TP73: variants seen among roughly 807,000 people sequenced by gnomAD.
TP73 encodes the protein tumor protein p73, also known as p53-like transcription factor.
TP73 carries 25 observed loss-of-function variants against 62.5 expected under a neutral mutation model. That is an observed-to-expected ratio of 0.40 (90% CI 0.29 to 0.56). The LOEUF (loss-of-function observed/expected upper bound fraction) is 0.56. Among genes scored for constraint, TP73 ranks in the 20% least tolerant of loss-of-function variants. The pLI, the probability that TP73 is intolerant of heterozygous loss-of-function variation, is 0.46. For synonymous variants in TP73, 423 were observed against 377.5 expected, an observed-to-expected ratio of 1.12 and a Z score of -1.40; for missense variants, 754 against 913.3, an observed-to-expected ratio of 0.83 and a Z score of 2.25.
intron 8 of TP73, 80 bp downstream of exon 8, chr1:3,727,850 C>G: frequency 6.9e-7 from 1 of 1,453,022 alleles, no homozygotes; most frequent in Non-Finnish European, 9.1e-7. Context: ...GAGCCCGCGT[C>G]CCAGGGACAG....
chr1:3,731,050 A>G lies in TP73; in HGVS notation c.1469A>G (p.Asp490Gly). 1 of 1,610,928 alleles carries G rather than the reference A, an allele frequency of 6.2e-7. No individual in the cohort carries two copies. Among genetic ancestry groups the G allele is most frequent in the Non-Finnish European group, 8.5e-7 (1 of 1,179,092 alleles). ...HCTPPPPYHA[D>G]PSLVSFLTGL... ...ACTCCGCCACCCCCCTACCACGCCGACCCCAGCCTCGTCAGGTGCGTGGGC... is the reference window on the plus strand; with the variant it reads ...ACTCCGCCACCCCCCTACCACGCCGGCCCCAGCCTCGTCAGGTGCGTGGGC... Residue 490 changes from aspartate (D) to glycine (G), a missense_variant, in exon 12 of 14, where the codon GAC becomes GGC. Asp to Gly is a moderately conservative substitution (Grantham distance 94, BLOSUM62 -1). Around this residue, in one of 3 missense-constraint regions of TP73, gnomAD observed 458 missense variants for 528.7 expected, o/e 0.87. Transcript: ENST00000378295.
chr1:3,735,909 C>T lies in TP73; in HGVS notation c.*2830C>T, dbSNP rs772328379. The T allele has an allele frequency of 9.2e-5, 14 of 152,186 alleles. No homozygotes were observed. The highest frequency in any genetic ancestry group is 1.9e-4 in the Non-Finnish European group (13 of 68,028). 9.4% of individuals were successfully genotyped at this position (152,186 alleles called of 1,614,324 possible). ...CCTTGCTGTACCCAGGAGCCCGACCCGCAGTATCCTGGCACAGAGCCACTT... is the reference window on the plus strand; with the variant it reads ...CCTTGCTGTACCCAGGAGCCCGACCTGCAGTATCCTGGCACAGAGCCACTT... On this transcript the variant is annotated 3_prime_UTR_variant, in exon 14 of 14. Coordinates refer to ENST00000378295, the MANE Select transcript of TP73 (RefSeq NM_005427.4).
rs923303944 is a variant in TP73, at chr1:3,690,797, C to G, written c.186+7617C>G. ...TGCGGAGCCTCTCCCGCTCGGTCCACGCTGCCGGGCGGCCACGACCGTGAC... is the reference window on the plus strand; with the variant it reads ...TGCGGAGCCTCTCCCGCTCGGTCCAGGCTGCCGGGCGGCCACGACCGTGAC... On this transcript the variant is annotated intron_variant, in intron 3 of 13. Coordinates refer to ENST00000378295, the MANE Select transcript of TP73 (RefSeq NM_005427.4). 4 of 1,528,478 alleles carry G rather than the reference C, an allele frequency of 2.6e-6. No individual in the cohort carries two copies. In the Admixed American group the frequency reaches 8.0e-5, roughly 30 times the overall value. 94.7% of individuals were successfully genotyped at this position (1,528,478 alleles called of 1,614,324 possible).
chr1:3,715,858 C>G (rs1570578624), intron 4 of TP73, among the ~76,000 whole-genome samples: 1 of 152,204 alleles, frequency 6.6e-6, no homozygotes, highest in African/African-American at 2.4e-5. Flanking sequence ...CTGCTTCCCT[C>G]CCCTACCCCG....
chr1:3,686,337 G>A (rs1279261483), intron 3 of TP73, among the ~76,000 whole-genome samples: 1 of 152,228 alleles, frequency 6.6e-6, no homozygotes, highest in African/African-American at 2.4e-5. Flanking sequence ...CTGCTTAGCA[G>A]CCGTGGGAGA....
rs1645007735 is a variant in TP73 at position 3,662,116 on chromosome 1, T to C, written c.-34+9475T>C. 6.6e-6 allele frequency: 1 copy of C among 151,448 alleles called. No homozygotes were observed. The highest frequency in any genetic ancestry group is 1.5e-5 in the Non-Finnish European group (1 of 67,952). The allele number at this position is 151,448 out of a possible 1,614,324, so 9.4% of individuals were successfully genotyped here. On this transcript the variant is annotated intron_variant, in intron 1 of 13. Transcript: ENST00000378295. This position sits in a 1 kb window ranked among gnomAD's most constrained non-coding sequence, Gnocchi z 4.4. Reference sequence around the variant, plus strand: ...TCCTCCTGCTGCCCCAAATTGCCACTCTCCTGGAGCAGCCCCTGAAGGTGG... The same window carrying C: ...TCCTCCTGCTGCCCCAAATTGCCACCCTCCTGGAGCAGCCCCTGAAGGTGG...
chr1:3,715,976 C>T (rs769851281), intron 4 of TP73, among the ~76,000 whole-genome samples: 7 of 152,320 alleles, frequency 4.6e-5, no homozygotes, highest in African/African-American at 9.6e-5. Context: ...CAGGGAGCCG[C>T]GCTTCCAGGC....
Position 3,698,215 on chromosome 1 carries a change from A to T in TP73, c.187-9334A>T, listed in dbSNP as rs1044133700. 4 of 804,764 alleles carry T rather than the reference A, an allele frequency of 5.0e-6. No individual in the cohort carries two copies. The African/African-American group carries it at 7.5e-5, about 15-fold the overall frequency. 49.9% of individuals were successfully genotyped at this position (804,764 alleles called of 1,614,324 possible). A position where few individuals can be genotyped will look rare whatever the true frequency, so the allele number is the denominator to read the frequency against. ...GCAAGGACACAGGATGTCAGGGCTG[A>T]CACCTGGGTTGGGCTCTGGGGTGCT... is the stretch of plus-strand genomic sequence containing the variant. On this transcript the variant is annotated intron_variant, in intron 3 of 13. Transcript: ENST00000378295.
chr1:3,673,689 C>T (rs74796852), intron 1 of TP73, among the ~76,000 whole-genome samples: 4,801 of 152,272 alleles, frequency 0.032, 129 homozygotes, highest in East Asian at 0.11. Context: ...GGGCAGGAAT[C>T]ATGTGTCTTG....
Position 3,669,510 on chromosome 1 carries a change from C to T in TP73, c.-33-12823C>T, listed in dbSNP as rs371017967. ...CTCTTTCCACTTCCTGCCAAGGAGGCGCAGAGTGACTGCCCCAGCCTGGCA... is the reference window on the plus strand; with the variant it reads ...CTCTTTCCACTTCCTGCCAAGGAGGTGCAGAGTGACTGCCCCAGCCTGGCA... On this transcript the variant is annotated intron_variant, in intron 1 of 13. Transcript: ENST00000378295. Among the ~76,000 whole-genome samples, 248 of 152,380 alleles carry T rather than the reference C, an allele frequency of 1.6e-3. 1 individual carries two copies. Among genetic ancestry groups the T allele is most frequent in the African/African-American group, 5.1e-3 (214 of 41,590 alleles).
chr1:3,696,266 T>C lies in TP73; in HGVS notation c.187-11283T>C, dbSNP rs1638647237. ...GCAGGGGAGGATTCCAGAAAGATGC[T>C]GAGGTTCCATTTGCACCCTTGCAGG... On this transcript the variant is annotated intron_variant, in intron 3 of 13. Transcript: ENST00000378295. The surrounding 1 kb of genome is among the most constrained non-coding windows in gnomAD (Gnocchi z 4.1). Among the ~76,000 whole-genome samples, 1 of 152,000 alleles carries C rather than the reference T, an allele frequency of 6.6e-6. No individual in the cohort carries two copies. The highest frequency in any genetic ancestry group is 1.5e-5 in the Non-Finnish European group (1 of 67,980).
At position 3,722,110 on chromosome 1, in the gene TP73, C is replaced by T. The variant is rs1801174; in HGVS notation, c.519C>T (p.Thr173=). The T allele has an allele frequency of 0.86, 1,386,232 of 1,612,596 alleles. 602,217 individuals are homozygous for T. The highest frequency in any genetic ancestry group is 0.92 in the Middle Eastern group (5,590 of 6,056). The part of the protein sequence containing the change: ...IKVSTPPPPG[T]AIRAMPVYKK... ...TGTCCACCCCGCCACCCCCAGGCAC[C>T]GCCATCCGGGCCATGCCTGTTTACA... Residue 173 remains threonine (T), a synonymous_variant, in exon 5 of 14, where the codon ACC becomes ACT. Transcript: ENST00000378295.
chr1:3,676,199 G>C (rs886086268), intron 1 of TP73, among the ~76,000 whole-genome samples: 11 of 150,276 alleles, frequency 7.3e-5, no homozygotes, highest in Admixed American at 7.3e-4. Context: ...GCTAGGACGG[G>C]GACAGAGGAT....
At chr1:3,676,316 G>A (rs1021141868) in intron 1 of TP73, among the ~76,000 whole-genome samples, 4 of 146,782 alleles carry the variant, frequency 2.7e-5, no homozygotes, top group African/African-American at 1.0e-4. Context: ...AACAGGAGAT[G>A]GGGAGGGGAC....
At chr1:3,682,951 G>T (rs933725393) in intron 2 of TP73, 109 bp from the exon 3 acceptor site, 2 of 1,431,476 alleles carry the variant, frequency 1.4e-6, no homozygotes, top group Non-Finnish European at 1.9e-6. Flanking sequence ...GGCAGGAGAC[G>T]TAGGCCTCAC....
intron 1 of TP73, among the ~76,000 whole-genome samples, chr1:3,676,858 G>A (rs1645384481): frequency 1.3e-5 from 2 of 151,828 alleles, no homozygotes; most frequent in African/African-American, 2.4e-5. Flanking sequence ...ACAGCTGGGC[G>A]TGCGTTCTGC....
At chr1:3,680,018 T>C (rs897945463) in intron 1 of TP73, among the ~76,000 whole-genome samples, 1 of 151,824 alleles carries the variant, frequency 6.6e-6, no homozygotes. Flanking sequence ...TGTCCTTGTC[T>C]CTCTCTCTCT....
At chr1:3,697,491 C>T (rs759260221) in intron 3 of TP73, among the ~76,000 whole-genome samples, 2 of 152,208 alleles carry the variant, frequency 1.3e-5, no homozygotes, top group Non-Finnish European at 2.9e-5. Flanking sequence ...TTCCCGAGCC[C>T]GTCCTTGCCT....
At chr1:3,705,499 G>A (rs923787951) in intron 3 of TP73, among the ~76,000 whole-genome samples, 8 of 152,254 alleles carry the variant, frequency 5.3e-5, no homozygotes, top group African/African-American at 1.7e-4. Flanking sequence ...GCTTAATGGT[G>A]CCAGATGATG....
Sources: allele counts gnomAD v4.1 joint callset (sites outside exome capture counted in the v4.1 genomes callset), GRCh38; gene constraint gnomAD v4.1.1; regional missense constraint gnomAD v4.1.1; non-coding constraint Gnocchi (gnomAD v3.1); transcripts MANE v1.5; gene names NCBI Gene and HGNC (gene_info 2026-07-23, HGNC 2026-07-21).